Variants in GYG1 observed in about 807,000 individuals in gnomAD.
GYG1 encodes the protein glycogenin-1.
GYG1 carries 44 observed loss-of-function variants against 41.9 expected under a neutral mutation model. The observed-to-expected ratio is 1.05, with a 90% CI of 0.83 to 1.35. GYG1 has a LOEUF of 1.35. GYG1 is among the 40% of genes most tolerant of loss of function. The pLI is 0.00. For missense variants in GYG1, 429 were observed against 418.9 expected, an observed-to-expected ratio of 1.02 and a Z score of -0.21; for synonymous variants, 141 against 158.1, an observed-to-expected ratio of 0.89 and a Z score of 0.81.
chr3:149,029,186 T>TTAAC lies in GYG1; in HGVS notation c.*2259_*2262dup, dbSNP rs749095528. Among the ~76,000 whole-genome samples, 92 of 152,362 alleles carry TTAAC rather than the reference T, an allele frequency of 6.0e-4. No homozygotes were observed. Among genetic ancestry groups the TTAAC allele is most frequent in the Non-Finnish European group, 9.7e-4 (66 of 68,042 alleles). ...ATGATCTATGTCTTAAGGTGAAGTATTAACTAACTTTTCCATGTAAAGCTA... is the reference window on the plus strand; with the variant it reads ...ATGATCTATGTCTTAAGGTGAAGTATTAACTAACTAACTTTTCCATGTAAAGCTA... On this transcript the variant is annotated 3_prime_UTR_variant, in exon 8 of 8. Coordinates refer to ENST00000345003, the MANE Select transcript of GYG1 (RefSeq NM_004130.4).
chr3:149,005,713 A>G (rs1262813559), intron 4 of GYG1, among the ~76,000 whole-genome samples: 1 of 152,214 alleles, frequency 6.6e-6, no homozygotes. Context: ...TTTAGCATCT[A>G]ATTCCTGATT....
chr3:149,029,994 A>G lies in GYG1; in HGVS notation c.*3061A>G, dbSNP rs985521412. 1 of 152,224 alleles carries G rather than the reference A, an allele frequency of 6.6e-6. No individual in the cohort carries two copies. Among genetic ancestry groups the G allele is most frequent in the African/African-American group, 2.4e-5 (1 of 41,464 alleles). 9.4% of individuals were successfully genotyped at this position (152,224 alleles called of 1,614,324 possible). A position where few individuals can be genotyped will look rare whatever the true frequency, so the allele number is the denominator to read the frequency against. Reference sequence around the variant, plus strand: ...TGAGCAAAATAAAGTTAGTTAGGATATGAGGACATTATTCTGTTACAGTAA... The same window carrying G: ...TGAGCAAAATAAAGTTAGTTAGGATGTGAGGACATTATTCTGTTACAGTAA... On this transcript the variant is annotated 3_prime_UTR_variant, in exon 8 of 8. Transcript: ENST00000345003.
rs140038360 is a variant in GYG1, at chr3:149,024,625, A to C, written c.828+353A>C. On this transcript the variant is annotated intron_variant, in intron 6 of 7. Transcript: ENST00000345003. ...CCCATTGAATGTTTTAGGAACTGCA[A>C]ACATTTAGATGTATCTACTTTATAT... 4.7e-3 allele frequency among the ~76,000 whole-genome samples: 721 copies of C among 152,368 alleles called. 5 individuals are homozygous for C. Among genetic ancestry groups the C allele is most frequent in the African/African-American group, 0.016 (677 of 41,588 alleles).
intron 4 of GYG1, chr3:149,007,887 T>C (rs1199859403): frequency 6.6e-6 from 1 of 151,742 alleles, no homozygotes; most frequent in Non-Finnish European, 1.5e-5. Flanking sequence ...GTGTGTTTTC[T>C]GAAATCTCAT....
intron 5 of GYG1, 113 bp from the exon 6 acceptor site, chr3:149,023,940 T>C: frequency 1.3e-6 from 1 of 772,834 alleles, no homozygotes; most frequent in Non-Finnish European, 2.3e-6. Flanking sequence ...GGTGACAGAG[T>C]GAGACACTGT....
rs1712815469 is a variant in GYG1 at position 148,996,725 on chromosome 3, T to G, written c.319-17T>G. ...AGCAAAAACATTTCTGTAATGCTCT[T>G]TCTCCCCTTTGATCAGGTCCTAGCA... On this transcript the variant is annotated splice_polypyrimidine_tract_variant and intron_variant, in intron 3 of 7. Coordinates refer to ENST00000345003, the MANE Select transcript of GYG1 (RefSeq NM_004130.4). The G allele has an allele frequency of 6.2e-7, 1 of 1,610,084 alleles. No individual in the cohort carries two copies. The highest frequency in any genetic ancestry group is 2.2e-5 in the East Asian group (1 of 44,858).
rs1714663984 is a variant in GYG1 at position 149,026,593 on chromosome 3, A to G, written c.879+91A>G. On this transcript the variant is annotated intron_variant, in intron 7 of 7. Transcript: ENST00000345003. The stretch of plus-strand genomic sequence containing the variant: ...GTCTTCATTTTGTTAGGAAAAAATC[A>G]TATAATCTATATTTTTGTGTCTTTT... The G allele has an allele frequency of 4.9e-6, 5 of 1,028,516 alleles. No individual in the cohort carries two copies. In the South Asian group the frequency reaches 5.1e-5, roughly 11 times the overall value. 63.7% of individuals were successfully genotyped at this position (1,028,516 alleles called of 1,614,324 possible).
rs116493419 is a variant in GYG1 at position 149,015,286 on chromosome 3, G to A, written c.608+5884G>A. Among the ~76,000 whole-genome samples, 1,174 of 152,300 alleles carry A rather than the reference G, an allele frequency of 7.7e-3. 7 individuals carry two copies. The highest frequency in any genetic ancestry group is 0.02 in the Middle Eastern group (6 of 294). Reference sequence around the variant, plus strand: ...AGCTAAGTAGAGATAAAAGTCAGGAGCTCCAGAGAGAAGTCTGGAACATAT... The same window carrying A: ...AGCTAAGTAGAGATAAAAGTCAGGAACTCCAGAGAGAAGTCTGGAACATAT... On this transcript the variant is annotated intron_variant, in intron 5 of 7. Transcript: ENST00000345003.
rs1020337466 is a variant in GYG1, at chr3:149,027,824, C to T, written c.*891C>T. 2.6e-5 allele frequency among the ~76,000 whole-genome samples: 4 copies of T among 152,092 alleles called. No homozygotes were observed. The highest frequency in any genetic ancestry group is 6.5e-5 in the Admixed American group (1 of 15,276). ...TTTTCTGTGATGGTGATGGATCTGA[C>T]AGATCAGAACAAACCGAGATCAAAC... On this transcript the variant is annotated 3_prime_UTR_variant, in exon 8 of 8. Coordinates refer to ENST00000345003, the MANE Select transcript of GYG1 (RefSeq NM_004130.4).
In GYG1 at chr3:148,991,581, C is replaced by T. The variant is rs938044635; in HGVS notation, c.-60C>T. On this transcript the variant is annotated 5_prime_UTR_variant, in exon 1 of 8. Coordinates refer to ENST00000345003, the MANE Select transcript of GYG1 (RefSeq NM_004130.4). Reference sequence around the variant, plus strand: ...TCGCTGGCCGCGCTCCCTCCCGGTGCCGGCTTCTCTGAGTCACCAACCTGA... The same window carrying T: ...TCGCTGGCCGCGCTCCCTCCCGGTGTCGGCTTCTCTGAGTCACCAACCTGA... 5 of 1,542,830 alleles carry T rather than the reference C, an allele frequency of 3.2e-6. No homozygotes were observed. Among genetic ancestry groups the T allele is most frequent in the South Asian group, 1.2e-5 (1 of 84,730 alleles).
chr3:148,991,852 C>T (rs1457922000), intron 1 of GYG1, among the ~76,000 whole-genome samples: 1 of 152,220 alleles, frequency 6.6e-6, no homozygotes, highest in East Asian at 1.9e-4. Context: ...ATGGGGCAGC[C>T]GGGCAGAGCC....
At chr3:148,998,168 T>G (rs1176117560) in intron 4 of GYG1, among the ~76,000 whole-genome samples, 2 of 151,190 alleles carry the variant, frequency 1.3e-5, no homozygotes, top group Non-Finnish European at 2.9e-5. Context: ...TTCACAGAAA[T>G]TGAATTATTT....
chr3:149,003,530 A>C (rs1042201680), intron 4 of GYG1, among the ~76,000 whole-genome samples: 1 of 152,206 alleles, frequency 6.6e-6, no homozygotes, highest in Admixed American at 6.5e-5. Flanking sequence ...AATGTTAGAC[A>C]TTTTTTATAG....
intron 4 of GYG1, among the ~76,000 whole-genome samples, chr3:149,003,089 A>C (rs1435965798): frequency 6.6e-6 from 1 of 151,222 alleles, no homozygotes; most frequent in African/African-American, 2.4e-5. Context: ...TAGCTCAATT[A>C]CAATATAAAG....
intron 4 of GYG1, among the ~76,000 whole-genome samples, chr3:148,998,939 G>A (rs1576539665): frequency 6.6e-6 from 1 of 152,164 alleles, no homozygotes; most frequent in African/African-American, 2.4e-5. Flanking sequence ...GCTTTAGTAA[G>A]TGAATCACAT....
intron 4 of GYG1, among the ~76,000 whole-genome samples, chr3:149,002,817 T>C (rs1713171206): frequency 6.6e-6 from 1 of 152,148 alleles, no homozygotes; most frequent in Non-Finnish European, 1.5e-5. Context: ...GGTCAGGAGT[T>C]CCAGACCAGC....
At chr3:148,994,001 A>G (rs1027042711) in intron 1 of GYG1, 141 bp from the exon 2 acceptor site, 4 of 765,360 alleles carry the variant, frequency 5.2e-6, no homozygotes, top group South Asian at 1.6e-5. Flanking sequence ...TTTCTCCCCA[A>G]AGGGCTACAG....
intron 4 of GYG1, among the ~76,000 whole-genome samples, chr3:149,002,037 T>C (rs1228007123): frequency 6.6e-6 from 1 of 152,186 alleles, no homozygotes; most frequent in East Asian, 1.9e-4. Flanking sequence ...AAAAATACTT[T>C]GTCGTTTAAA....
rs1204596535 is a variant in GYG1, at chr3:148,996,472, C to T, written c.314C>T (p.Thr105Ile). 6.2e-7 allele frequency: 1 copy of T among 1,612,822 alleles called. No individual in the cohort carries two copies. The highest frequency in any genetic ancestry group is 1.7e-5 in the Admixed American group (1 of 60,022). The part of the protein sequence containing the change: ...YSKCVFMDAD[T>I]LVLANIDDLF... Reference sequence around the variant, plus strand: ...AAATGTGTATTCATGGATGCAGATACTCTGGTGAGTGTGGCTTTGAGGGTA... The same window carrying T: ...AAATGTGTATTCATGGATGCAGATATTCTGGTGAGTGTGGCTTTGAGGGTA... Residue 105 changes from threonine to isoleucine, a missense_variant, in exon 3 of 8, where the codon ACT becomes ATT. Thr to Ile is a moderately conservative substitution (Grantham distance 89). Coordinates refer to ENST00000345003, the MANE Select transcript of GYG1 (RefSeq NM_004130.4).
Sources: allele counts gnomAD v4.1 joint callset (sites outside exome capture counted in the v4.1 genomes callset), GRCh38; gene constraint gnomAD v4.1.1; transcripts MANE v1.5; gene names NCBI Gene and HGNC (gene_info 2026-07-23, HGNC 2026-07-21).